COX10: variants seen among roughly 807,000 people sequenced by gnomAD.
COX10 encodes protoheme IX farnesyltransferase, mitochondrial.
A neutral mutation model predicts 37.3 loss-of-function variants in COX10; 27 were observed. The observed-to-expected ratio is 0.72, with a 90% CI of 0.53 to 1.00. The LOEUF (loss-of-function observed/expected upper bound fraction) is 1.00. Among genes scored for constraint, COX10 ranks in the 50% least tolerant of loss-of-function variants. The pLI is 0.00. For synonymous variants in COX10, 222 were observed against 229.1 expected, an observed-to-expected ratio of 0.97 and a Z score of 0.28; for missense variants, 475 against 563.2, an observed-to-expected ratio of 0.84 and a Z score of 1.59.
At chr17:14,071,340 G>C (rs1267527402) in intron 1 of COX10, among the ~76,000 whole-genome samples, 2 of 152,156 alleles carry the variant, frequency 1.3e-5, no homozygotes, top group Non-Finnish European at 2.9e-5. Context: ...CTTTGCAGTG[G>C]TGGTATGGAA....
chr17:14,123,072 A>G (rs1916262684), intron 4 of COX10, among the ~76,000 whole-genome samples: 1 of 152,194 alleles, frequency 6.6e-6, no homozygotes, highest in Admixed American at 6.5e-5. Flanking sequence ...AGCACTTTAC[A>G]GTTTACAGTG....
At chr17:14,080,610 G>A (rs1039999130) in intron 3 of COX10, among the ~76,000 whole-genome samples, 7 of 151,976 alleles carry the variant, frequency 4.6e-5, no homozygotes, top group South Asian at 2.1e-4. Flanking sequence ...TTTTGTATGC[G>A]TTTTCATTAT....
chr17:14,187,771 G>A (rs1459912851), intron 5 of COX10, among the ~76,000 whole-genome samples: 3 of 152,226 alleles, frequency 2.0e-5, no homozygotes, highest in African/African-American at 7.2e-5. Flanking sequence ...AGGGCTCCTC[G>A]TGCCAGAAGG....
chr17:14,139,371 A>T (rs1186980276), intron 4 of COX10, among the ~76,000 whole-genome samples: 2 of 152,178 alleles, frequency 1.3e-5, no homozygotes, highest in Admixed American at 6.6e-5. Flanking sequence ...TATCTGTCTA[A>T]TGAATTGTTT....
chr17:14,115,263 G>T (rs1369430775), intron 4 of COX10, among the ~76,000 whole-genome samples: 2 of 152,086 alleles, frequency 1.3e-5, no homozygotes, highest in East Asian at 3.8e-4. Flanking sequence ...TGGTCCTATT[G>T]TTTGTACACA....
At chr17:14,100,014 C>T (rs1202744757) in intron 3 of COX10, among the ~76,000 whole-genome samples, 1 of 152,004 alleles carries the variant, frequency 6.6e-6, no homozygotes, top group Non-Finnish European at 1.5e-5. Flanking sequence ...ATCTTCCTAC[C>T]TCTCCCAGTT....
At chr17:14,200,396 G>A (rs564978281) in intron 6 of COX10, among the ~76,000 whole-genome samples, 2 of 152,316 alleles carry the variant, frequency 1.3e-5, no homozygotes, top group African/African-American at 4.8e-5. Flanking sequence ...AAAATACATA[G>A]CATTTTCAAC....
intron 4 of COX10, among the ~76,000 whole-genome samples, chr17:14,139,500 T>C (rs1017254090): frequency 5.3e-5 from 8 of 152,202 alleles, no homozygotes; most frequent in African/African-American, 1.9e-4. Flanking sequence ...AATAAAGGTT[T>C]TATAATTTTA....
At chr17:14,135,007 C>A (rs1292115315) in intron 4 of COX10, among the ~76,000 whole-genome samples, 1 of 151,198 alleles carries the variant, frequency 6.6e-6, no homozygotes, top group East Asian at 1.9e-4. Context: ...TTCTTTTATT[C>A]TGAATAAAAG....
At chr17:14,101,087 G>A (rs952379741) in intron 3 of COX10, among the ~76,000 whole-genome samples, 1 of 152,084 alleles carries the variant, frequency 6.6e-6, no homozygotes, top group African/African-American at 2.4e-5. Context: ...CAGTGTGATG[G>A]GTTTGAAACA....
chr17:14,096,981 G>A (rs1915666832), intron 3 of COX10, among the ~76,000 whole-genome samples: 2 of 152,032 alleles, frequency 1.3e-5, no homozygotes, highest in Non-Finnish European at 2.9e-5. Context: ...CAGTGCCTCT[G>A]GGCCCATATT....
intron 3 of COX10, among the ~76,000 whole-genome samples, chr17:14,094,635 A>G (rs911633684): frequency 8.5e-5 from 13 of 152,356 alleles, no homozygotes; most frequent in East Asian, 3.9e-4. Flanking sequence ...AGACAGAGAG[A>G]TAACTTAGAT....
At chr17:14,112,500 A>G (rs966394195) in intron 4 of COX10, among the ~76,000 whole-genome samples, 1 of 152,190 alleles carries the variant, frequency 6.6e-6, no homozygotes, top group Non-Finnish European at 1.5e-5. Flanking sequence ...TGCTGGAGAT[A>G]AAAAGATTGG....
chr17:14,168,714 C>A (rs1472624038), intron 5 of COX10, among the ~76,000 whole-genome samples: 2 of 152,160 alleles, frequency 1.3e-5, no homozygotes, highest in Non-Finnish European at 1.5e-5. Flanking sequence ...TTTTTAGCCC[C>A]AGCTGGAGCT....
At chr17:14,200,329 G>A (rs1046231298) in intron 6 of COX10, among the ~76,000 whole-genome samples, 1 of 152,208 alleles carries the variant, frequency 6.6e-6, no homozygotes, top group East Asian at 1.9e-4. Context: ...AAATGATTGC[G>A]ATTCTCCTCC....
At chr17:14,151,931 G>A (rs756789515) in intron 4 of COX10, among the ~76,000 whole-genome samples, 15 of 152,036 alleles carry the variant, frequency 9.9e-5, no homozygotes, top group Non-Finnish European at 2.2e-4. Flanking sequence ...TGCAATGATG[G>A]TTTATTAAAT....
intron 4 of COX10, among the ~76,000 whole-genome samples, chr17:14,132,515 C>G (rs1362672404): frequency 6.6e-6 from 1 of 151,726 alleles, no homozygotes; most frequent in African/African-American, 2.4e-5. Flanking sequence ...TGTGTGTGAG[C>G]ATAATAATTT....
intron 6 of COX10, among the ~76,000 whole-genome samples, chr17:14,202,464 T>G (rs1019441458): frequency 1.3e-5 from 2 of 152,136 alleles, no homozygotes; most frequent in African/African-American, 4.8e-5. Flanking sequence ...TAATATCTTG[T>G]GCCAGTAGTG....
At chr17:14,069,720 C>T (rs1914967578) in intron 1 of COX10, 72 bp downstream of exon 1, 1 of 1,590,962 alleles carries the variant, frequency 6.3e-7, no homozygotes. Flanking sequence ...GCCGTGGTTC[C>T]GGCTGGCTGC....
Sources: allele counts gnomAD v4.1 joint callset (sites outside exome capture counted in the v4.1 genomes callset), GRCh38; gene constraint gnomAD v4.1.1; transcripts MANE v1.5; gene names NCBI Gene and HGNC (gene_info 2026-07-23, HGNC 2026-07-21).